Variants in ADH7 observed in about 807,000 individuals in gnomAD.
ADH7 encodes the protein alcohol dehydrogenase 7 (class IV), mu or sigma polypeptide, also known as all-trans-retinol dehydrogenase [NAD(+)] ADH7.
In ADH7, 41 loss-of-function variants were observed where a neutral mutation model predicts 34.4. That is an observed-to-expected ratio of 1.19 (90% CI 0.93 to 1.55). The LOEUF (loss-of-function observed/expected upper bound fraction) is 1.55. ADH7 is among the 40% of genes most tolerant of loss of function. The pLI, the probability that ADH7 is intolerant of heterozygous loss-of-function variation, is 0.00. For synonymous variants in ADH7, 180 were observed against 160.9 expected, an observed-to-expected ratio of 1.12 and a Z score of -0.90; for missense variants, 540 against 461.2, an observed-to-expected ratio of 1.17 and a Z score of -1.56.
In ADH7 at chr4:99,412,480, A is replaced by G. The variant is rs763999064; in HGVS notation, c.*668T>C. 1 of 152,094 alleles carries G rather than the reference A, an allele frequency of 6.6e-6. No homozygotes were observed. Among genetic ancestry groups the G allele is most frequent in the Non-Finnish European group, 1.5e-5 (1 of 67,974 alleles). 9.4% of individuals were successfully genotyped at this position (152,094 alleles called of 1,614,324 possible). A position where few individuals can be genotyped will look rare whatever the true frequency, so the allele number is the denominator to read the frequency against. Reference sequence around the variant, plus strand: ...TTCTAGCTCTATGTTTATATTCAGTATTACAAAAGGAATATTTTCTAAAAT... The same window carrying G: ...TTCTAGCTCTATGTTTATATTCAGTGTTACAAAAGGAATATTTTCTAAAAT... On this transcript the variant is annotated 3_prime_UTR_variant, in exon 9 of 9. Transcript: ENST00000437033.
intron 5 of ADH7, among the ~76,000 whole-genome samples, chr4:99,426,229 T>G (rs1396590395): frequency 6.6e-6 from 1 of 151,508 alleles, no homozygotes; most frequent in Non-Finnish European, 1.5e-5. Context: ...CTGAAGGAAA[T>G]AGAGACACAA....
At chr4:99,420,374 CA>C (rs1166333957) in intron 6 of ADH7, among the ~76,000 whole-genome samples, 158 bp downstream of exon 6, 2 of 152,118 alleles carry the variant, frequency 1.3e-5, no homozygotes, top group African/African-American at 4.8e-5. Flanking sequence ...ACTTTTTAGG[CA>C]AAATTGCTAT....
chr4:99,426,576 C>T (rs1721810393), intron 5 of ADH7, among the ~76,000 whole-genome samples: 1 of 152,112 alleles, frequency 6.6e-6, no homozygotes, highest in South Asian at 2.1e-4. Context: ...CAATAGCTTA[C>T]CAACCAAAAA....
chr4:99,432,775 T>A (rs1721965319), intron 1 of ADH7: 1 of 152,138 alleles, frequency 6.6e-6, no homozygotes, highest in African/African-American at 2.4e-5. Flanking sequence ...TTGTTCTCAC[T>A]CATAAAAACG....
At position 99,419,028 on chromosome 4, in the gene ADH7, A is replaced by G; in HGVS notation, c.919T>C (p.Leu307=). ...SAKMLTYDPM[L]LFTGRTWKGC... The stretch of plus-strand genomic sequence containing the variant: ...TTCCATGTGCGTCCAGTGAAGAGCA[A>G]CATCGGGTCATAGGTGAGCATCTTG... Residue 307 remains leucine, a synonymous_variant, in exon 7 of 9, where the codon TTG becomes CTG. Coordinates refer to ENST00000437033, the MANE Select transcript of ADH7 (RefSeq NM_000673.7). The G allele has an allele frequency of 6.2e-7, 1 of 1,613,900 alleles. No homozygotes were observed. Among genetic ancestry groups the G allele is most frequent in the Non-Finnish European group, 8.5e-7 (1 of 1,179,852 alleles).
rs1461469894 is a variant in ADH7, at chr4:99,419,121, T to A, written c.826A>T (p.Ile276Phe). 6.2e-7 allele frequency: 1 copy of A among 1,613,368 alleles called. No homozygotes were observed. Among genetic ancestry groups the A allele is most frequent in the Non-Finnish European group, 8.5e-7 (1 of 1,179,622 alleles). The change falls in exon 7 of 9, where the codon ATT (isoleucine) becomes TTT (phenylalanine). Residue 276 changes from isoleucine (I) to phenylalanine (F), a missense_variant and splice_region_variant. Transcript: ENST00000437033. ...ATGTGGCAGGATGCCAGGGCATCAA[T>A]CTGAGTTTAAAACGGAGGAGATCGT... Reference protein sequence around the residue: ...FEVIGHLETMIDALASCHMNY... With the variant: ...FEVIGHLETMFDALASCHMNY...
intron 7 of ADH7, 58 bp from the exon 8 acceptor site, chr4:99,415,674 T>C: frequency 6.5e-7 from 1 of 1,531,318 alleles, no homozygotes; most frequent in Non-Finnish European, 8.9e-7. Flanking sequence ...TATCTTTTAT[T>C]ATGTTATATT....
At chr4:99,426,537 A>G (rs1400598781) in intron 5 of ADH7, among the ~76,000 whole-genome samples, 2 of 152,226 alleles carry the variant, frequency 1.3e-5, no homozygotes, top group Non-Finnish European at 2.9e-5. Context: ...GAATAGACCA[A>G]TAACAGGATC....
Position 99,419,008 on chromosome 4 carries a change from T to C in ADH7, c.939A>G (p.Thr313=). 1 of 1,613,840 alleles carries C rather than the reference T, an allele frequency of 6.2e-7. No homozygotes were observed. The highest frequency in any genetic ancestry group is 2.2e-5 in the East Asian group (1 of 44,864). ...GACCTCCAAAGACACATCCCTTCCA[T>C]GTGCGTCCAGTGAAGAGCAACATCG... ...YDPMLLFTGR[T]WKGCVFGGLK... is the part of the protein sequence containing the mutation. The change falls in exon 7 of 9, where the codon ACA becomes ACG. Residue 313 remains threonine (T), a synonymous_variant. Transcript: ENST00000437033.
chr4:99,428,276 A>G (rs1721860197), intron 3 of ADH7, 102 bp from the exon 4 acceptor site: 7 of 1,311,088 alleles, frequency 5.3e-6, no homozygotes, highest in Non-Finnish European at 7.6e-6. Context: ...ACTTTTAAAA[A>G]TATATTCTAA....
At chr4:99,428,398 G>T in intron 3 of ADH7, 94 bp downstream of exon 3, 2 of 1,424,156 alleles carry the variant, frequency 1.4e-6, no homozygotes, top group East Asian at 2.3e-5. Flanking sequence ...TTGTGTTAAG[G>T]ATCCCTCTAA....
intron 1 of ADH7, among the ~76,000 whole-genome samples, chr4:99,430,961 T>C (rs1427514134): frequency 2.0e-5 from 3 of 152,052 alleles, no homozygotes; most frequent in Non-Finnish European, 4.4e-5. Context: ...CACGCCCAGC[T>C]AATATGTTTT....
intron 7 of ADH7, among the ~76,000 whole-genome samples, chr4:99,417,083 A>G (rs1334179148): frequency 1.3e-5 from 2 of 152,084 alleles, no homozygotes; most frequent in African/African-American, 2.4e-5. Flanking sequence ...TCCTTCCAGC[A>G]TTATAATGAC....
chr4:99,432,250 T>C (rs776921341), intron 1 of ADH7, among the ~76,000 whole-genome samples: 3 of 152,048 alleles, frequency 2.0e-5, no homozygotes, highest in Non-Finnish European at 4.4e-5. Flanking sequence ...CACTTATAAG[T>C]GGAAGCTAAA....
At position 99,435,287 on chromosome 4, in the gene ADH7, T is replaced by C. The variant is rs1402947463; in HGVS notation, c.-54A>G. 1 of 1,611,800 alleles carries C rather than the reference T, an allele frequency of 6.2e-7. No individual in the cohort carries two copies. Among genetic ancestry groups the C allele is most frequent in the African/African-American group, 1.3e-5 (1 of 74,892 alleles). On this transcript the variant is annotated 5_prime_UTR_variant, in exon 1 of 9. Transcript: ENST00000437033. ...GCAAACATAGACTTTTTCTGACTGA[T>C]GCTCAGTTCACTCTGTTGTATATAA...
At chr4:99,418,694 G>T (rs548367600) in intron 7 of ADH7, among the ~76,000 whole-genome samples, 1 of 152,194 alleles carries the variant, frequency 6.6e-6, no homozygotes, top group African/African-American at 2.4e-5. Context: ...GATTAAATCG[G>T]AACTTCCTGT....
rs1317267220 is a variant in ADH7, at chr4:99,428,555, C to CAATCACTG, written c.188_195dup (p.Val66GlnfsTer2). On this transcript the variant is annotated stop_gained and frameshift_variant, in exon 3 of 9. Coordinates refer to ENST00000437033, the MANE Select transcript of ADH7 (RefSeq NM_000673.7). LOFTEE classifies it high-confidence loss of function. ...ACAATCCCAGTTGCCTCATGTCCCA[C>CAATCACTG]AATCACTGGAAACTTGGACACCATT... The CAATCACTG allele has an allele frequency of 6.2e-7, 1 of 1,613,956 alleles. No individual in the cohort carries two copies. Among genetic ancestry groups the CAATCACTG allele is most frequent in the African/African-American group, 1.3e-5 (1 of 75,040 alleles).
intron 5 of ADH7, among the ~76,000 whole-genome samples, chr4:99,426,484 C>T (rs1274936681): frequency 4.6e-5 from 7 of 152,288 alleles, no homozygotes; most frequent in African/African-American, 1.2e-4. Flanking sequence ...TTCCTTGACA[C>T]ATACACCCTC....
In ADH7 at chr4:99,434,625, C is replaced by T. The variant is rs559655708; in HGVS notation, c.18+591G>A. On this transcript the variant is annotated intron_variant, in intron 1 of 8. Transcript: ENST00000437033. ...CTAAAGTTAATACCAACTCTGCTAA[C>T]TCTGTTGTTTTTAGAACGATAAACA... 3.3e-5 allele frequency among the ~76,000 whole-genome samples: 5 copies of T among 152,110 alleles called. No homozygotes were observed. The South Asian group carries it at 6.2e-4, about 19-fold the overall frequency.
Sources: allele counts gnomAD v4.1 joint callset (sites outside exome capture counted in the v4.1 genomes callset), GRCh38; gene constraint gnomAD v4.1.1; transcripts MANE v1.5; gene names NCBI Gene and HGNC (gene_info 2026-07-23, HGNC 2026-07-21).